SERPINB7: variants seen among roughly 807,000 people sequenced by gnomAD.
The protein encoded by SERPINB7 is serpin family B member 7.
Under a neutral mutation model 37.4 loss-of-function variants are expected in SERPINB7, and 31 were observed. The ratio of observed to expected loss-of-function variants is 0.83; its 90% CI spans 0.62 to 1.12. The LOEUF (loss-of-function observed/expected upper bound fraction) is 1.12, where lower values mean the gene tolerates loss of function less well. Ranked by LOEUF, SERPINB7 falls within the 50% of genes most tolerant of loss-of-function variation. The probability of loss-of-function intolerance (pLI) is 0.00; values close to 1 mark genes in which losing one functional copy is unlikely to be tolerated. For missense variants in SERPINB7, 521 were observed against 455.3 expected, an observed-to-expected ratio of 1.14 and a Z score of -1.31; for synonymous variants, 163 against 166.1, an observed-to-expected ratio of 0.98 and a Z score of 0.14.
chr18:63,801,009 T>G lies in SERPINB7; in HGVS notation c.741T>G (p.Ser247=). ...TTCTGCTGCCTGAGAATGACCTCTC[T>G]GAAGTAAGTTACGACTGTCATTTTC... ...MYVLLPENDL[S]EIENKLTFQN... The change falls in exon 7 of 8, where the codon TCT becomes TCG. Residue 247 remains serine (S), a synonymous_variant. Transcript: ENST00000398019. 1 of 1,612,972 alleles carries G rather than the reference T, an allele frequency of 6.2e-7. No individual in the cohort carries two copies. Among genetic ancestry groups the G allele is most frequent in the Non-Finnish European group, 8.5e-7 (1 of 1,179,574 alleles).
At position 63,804,604 on chromosome 18, in the gene SERPINB7, T is replaced by C; in HGVS notation, c.1112T>C (p.Ile371Thr). Reference protein sequence around the residue: ...FLFVIRKDDIILFSGKVSCP With the variant: ...FLFVIRKDDITLFSGKVSCP Reference sequence around the variant, plus strand: ...TTTGTTATCAGGAAGGATGACATCATCTTATTCAGTGGCAAAGTTTCTTGC... The same window carrying C: ...TTTGTTATCAGGAAGGATGACATCACCTTATTCAGTGGCAAAGTTTCTTGC... Residue 371 changes from isoleucine to threonine, a missense_variant, in exon 8 of 8, where the codon ATC becomes ACC. Transcript: ENST00000398019. 6.2e-7 allele frequency: 1 copy of C among 1,611,702 alleles called. No individual in the cohort carries two copies.
chr18:63,760,178 G>A (rs1173919895), intron 1 of SERPINB7, among the ~76,000 whole-genome samples: 1 of 152,206 alleles, frequency 6.6e-6, no homozygotes, highest in Non-Finnish European at 1.5e-5. Flanking sequence ...AGGCTGAGGT[G>A]ATCTCTGATG....
intron 7 of SERPINB7, among the ~76,000 whole-genome samples, chr18:63,801,426 G>A (rs1388794576): frequency 1.3e-5 from 2 of 152,190 alleles, no homozygotes; most frequent in Non-Finnish European, 2.9e-5. Flanking sequence ...TGGTCTCACT[G>A]TAATTGGACA....
chr18:63,797,062 A>G (rs2049496186), intron 5 of SERPINB7, among the ~76,000 whole-genome samples: 1 of 152,204 alleles, frequency 6.6e-6, no homozygotes. Context: ...ACAACTAAAA[A>G]CGTAATTCCA....
intron 7 of SERPINB7, among the ~76,000 whole-genome samples, chr18:63,801,659 G>A (rs907010106): frequency 6.6e-6 from 1 of 152,268 alleles, no homozygotes; most frequent in East Asian, 1.9e-4. Context: ...TGGGGATGCA[G>A]TCACAAGCGT....
At chr18:63,755,993 C>A (rs182751874) in intron 1 of SERPINB7, among the ~76,000 whole-genome samples, 1 of 151,614 alleles carries the variant, frequency 6.6e-6, no homozygotes, top group African/African-American at 2.4e-5. Context: ...GAGTCAAGAA[C>A]GGTGGAAACA....
rs970854246 is a variant in SERPINB7, at chr18:63,796,129, C to T, written c.337-137C>T. The stretch of plus-strand genomic sequence containing the variant: ...CTTCCAGTCCCATTTCCATATATCC[C>T]TATATTTACATACTCATTTTTGAGG... On this transcript the variant is annotated intron_variant, in intron 4 of 7. Transcript: ENST00000398019. 1.3e-5 allele frequency: 7 copies of T among 552,102 alleles called. No homozygotes were observed. In the African/African-American group the frequency reaches 1.3e-4, roughly 11 times the overall value. 34.2% of individuals were successfully genotyped at this position (552,102 alleles called of 1,614,324 possible).
chr18:63,777,254 A>T (rs1320988543), intron 1 of SERPINB7, among the ~76,000 whole-genome samples: 1 of 152,008 alleles, frequency 6.6e-6, no homozygotes, highest in Non-Finnish European at 1.5e-5. Flanking sequence ...GTGAATTTTT[A>T]TTTTATGGAT....
At chr18:63,768,709 C>CA (rs1177262018) in intron 1 of SERPINB7, among the ~76,000 whole-genome samples, 2 of 151,674 alleles carry the variant, frequency 1.3e-5, no homozygotes, top group Admixed American at 6.6e-5. Flanking sequence ...CTGACAAATG[C>CA]AAAAAAAATT....
chr18:63,774,221 G>T (rs1375539784), upstream of SERPINB7, among the ~76,000 whole-genome samples: 1 of 152,044 alleles, frequency 6.6e-6, no homozygotes, highest in Non-Finnish European at 1.5e-5. Flanking sequence ...CAATCATGGA[G>T]GTGAGCAATA....
intron 1 of SERPINB7, among the ~76,000 whole-genome samples, chr18:63,759,319 TTG>T (rs2049139778): frequency 6.6e-6 from 1 of 151,830 alleles, no homozygotes; most frequent in African/African-American, 2.4e-5. Context: ...AGAATTAAAA[TTG>T]TTCAAAAATT....
intron 6 of SERPINB7, among the ~76,000 whole-genome samples, chr18:63,799,243 T>C (rs1462772459): frequency 3.3e-5 from 5 of 152,212 alleles, no homozygotes; most frequent in African/African-American, 1.2e-4. Flanking sequence ...CTGTTTTTGA[T>C]CTAAAACATC....
chr18:63,783,639 G>T (rs2049336198), intron 2 of SERPINB7, among the ~76,000 whole-genome samples: 1 of 152,152 alleles, frequency 6.6e-6, no homozygotes, highest in African/African-American at 2.4e-5. Flanking sequence ...TAGGGAAGTG[G>T]AATGGTCGTT....
At chr18:63,772,833 C>T (rs929285768), upstream of SERPINB7, among the ~76,000 whole-genome samples, 2 of 152,084 alleles carry the variant, frequency 1.3e-5, no homozygotes, top group Admixed American at 6.6e-5. Flanking sequence ...AAGTGGAAAC[C>T]AACAAGGCCT....
At chr18:63,780,984 G>T (rs148996807) in intron 1 of SERPINB7, among the ~76,000 whole-genome samples, 1 of 152,246 alleles carries the variant, frequency 6.6e-6, no homozygotes, top group Non-Finnish European at 1.5e-5. Context: ...TCTGGATCAT[G>T]CATTGTACTA....
intron 5 of SERPINB7, 74 bp from the exon 6 acceptor site, chr18:63,798,530 A>G: frequency 2.4e-6 from 3 of 1,227,232 alleles, no homozygotes; most frequent in East Asian, 2.6e-5. Flanking sequence ...CTTCATACCA[A>G]TTAATGGTCT....
At chr18:63,776,481 T>G (rs922513470) in intron 1 of SERPINB7, among the ~76,000 whole-genome samples, 1 of 151,814 alleles carries the variant, frequency 6.6e-6, no homozygotes, top group African/African-American at 2.4e-5. Context: ...CTTACTTCTA[T>G]CAGTGGCGTG....
chr18:63,783,202 G>T (rs897349687), intron 2 of SERPINB7, among the ~76,000 whole-genome samples: 1 of 75,278 alleles, frequency 1.3e-5, no homozygotes, highest in African/African-American at 6.1e-5. Flanking sequence ...GAGAGAGAGA[G>T]AGAGAGAGAG....
chr18:63,763,243 T>A lies in SERPINB7; in HGVS notation c.-19+10123T>A, dbSNP rs563410921. Among the ~76,000 whole-genome samples the A allele has an allele frequency of 3.6e-4, 55 of 152,350 alleles. 1 individual carries two copies. Among genetic ancestry groups the A allele is most frequent in the African/African-American group, 6.0e-4 (25 of 41,568 alleles). On this transcript the variant is annotated intron_variant, in intron 1 of 7. Transcript: ENST00000336429. ...AAAATTCTATATCTCTACCATGTTT[T>A]GTGCTTCAACTTTCCTGCTACTATT...
Sources: allele counts gnomAD v4.1 joint callset (sites outside exome capture counted in the v4.1 genomes callset), GRCh38; gene constraint gnomAD v4.1.1; transcripts MANE v1.5; gene names NCBI Gene and HGNC (gene_info 2026-07-23, HGNC 2026-07-21).